Variants in EPHA7 observed in about 807,000 individuals in gnomAD.
The protein encoded by EPHA7 is ephrin type-A receptor 7.
A neutral mutation model predicts 112.6 loss-of-function variants in EPHA7; 25 were observed. That is an observed-to-expected ratio of 0.22 (90% CI 0.16 to 0.31). The LOEUF is 0.31. Ranked by LOEUF, EPHA7 falls within the 10% of genes least tolerant of loss-of-function variation. The pLI is 1.00. For synonymous variants in EPHA7, 437 were observed against 406.5 expected (o/e 1.07, Z -0.90); for missense variants, 962 against 1,212.6 (o/e 0.79, Z 3.07).
At chr6:93,414,114 G>T (rs1332360233) in intron 2 of EPHA7, among the ~76,000 whole-genome samples, 3 of 151,804 alleles carry the variant, frequency 2.0e-5, no homozygotes, top group Non-Finnish European at 4.4e-5. Flanking sequence ...ATCTATTGCA[G>T]ATTTTTATTG....
At chr6:93,368,334 A>G (rs553149290) in intron 3 of EPHA7, among the ~76,000 whole-genome samples, 12 of 152,238 alleles carry the variant, frequency 7.9e-5, no homozygotes, top group African/African-American at 2.9e-4. Context: ...CATTTCATCA[A>G]TGTGAAATGA....
chr6:93,295,906 C>A (rs1228432503), intron 5 of EPHA7, among the ~76,000 whole-genome samples: 2 of 151,796 alleles, frequency 1.3e-5, no homozygotes, highest in African/African-American at 4.8e-5. Flanking sequence ...CTATTCTTAG[C>A]CATTTTTGAT....
chr6:93,292,713 A>T (rs997427286), intron 5 of EPHA7, among the ~76,000 whole-genome samples: 1 of 152,226 alleles, frequency 6.6e-6, no homozygotes, highest in African/African-American at 2.4e-5. Flanking sequence ...GAGAAGTAAC[A>T]ACATCATCAG....
At chr6:93,308,082 C>G (rs1165264249) in intron 5 of EPHA7, among the ~76,000 whole-genome samples, 1 of 152,146 alleles carries the variant, frequency 6.6e-6, no homozygotes, top group African/African-American at 2.4e-5. Flanking sequence ...TAACAATAAT[C>G]AGTCACCGAA....
chr6:93,329,418 T>C (rs1436943990), intron 5 of EPHA7, among the ~76,000 whole-genome samples: 1 of 151,376 alleles, frequency 6.6e-6, no homozygotes, highest in Non-Finnish European at 1.5e-5. Flanking sequence ...AATATGAAAA[T>C]ACAATTATCA....
At chr6:93,349,426 G>A (rs2127934797) in intron 5 of EPHA7, among the ~76,000 whole-genome samples, 1 of 151,948 alleles carries the variant, frequency 6.6e-6, no homozygotes, top group South Asian at 2.1e-4. Context: ...ATGTCTAAAT[G>A]TAACAGAAAT....
chr6:93,264,829 C>T (rs1770854055), intron 7 of EPHA7, 127 bp from the exon 8 acceptor site: 3 of 438,886 alleles, frequency 6.8e-6, no homozygotes, highest in Non-Finnish European at 1.2e-5. Flanking sequence ...TATATTGTAA[C>T]AAAGTAAATT....
chr6:93,276,521 C>A (rs1280032195), intron 5 of EPHA7, among the ~76,000 whole-genome samples: 1 of 152,064 alleles, frequency 6.6e-6, no homozygotes. Context: ...GGTAGTTGAA[C>A]CTTGCTGTGC....
rs148447683 is a variant in EPHA7 at position 93,382,466 on chromosome 6, G to T, written c.833-24055C>A. On this transcript the variant is annotated intron_variant, in intron 3 of 16. Coordinates refer to ENST00000369303, the MANE Select transcript of EPHA7 (RefSeq NM_004440.4). ...CCCGCACATCCTGCTGTGGAGCCCA[G>T]TTCATAACAGGCCAGTGACCACTAC... Among the ~76,000 whole-genome samples, 144 of 152,272 alleles carry T rather than the reference G, an allele frequency of 9.5e-4. 1 individual carries two copies. The Middle Eastern group carries it at 0.048, about 50-fold the overall frequency.
chr6:93,282,979 C>T (rs1771839848), intron 5 of EPHA7, among the ~76,000 whole-genome samples: 1 of 152,306 alleles, frequency 6.6e-6, no homozygotes, highest in East Asian at 1.9e-4. Flanking sequence ...CACCCAAGGG[C>T]TGAGGAGTGC....
chr6:93,337,886 T>C (rs192018527), intron 5 of EPHA7, among the ~76,000 whole-genome samples: 17 of 152,102 alleles, frequency 1.1e-4, no homozygotes, highest in Non-Finnish European at 2.4e-4. Context: ...TGTAGCATGC[T>C]TTTTCCTCTG....
intron 3 of EPHA7, among the ~76,000 whole-genome samples, chr6:93,383,945 C>T (rs1000492984): frequency 1.3e-5 from 2 of 152,074 alleles, no homozygotes; most frequent in Non-Finnish European, 2.9e-5. Context: ...GCCTCAGCCC[C>T]GCAAAGTGCT....
chr6:93,252,619 C>T (rs1770265697), intron 14 of EPHA7, among the ~76,000 whole-genome samples: 1 of 151,772 alleles, frequency 6.6e-6, no homozygotes, highest in African/African-American at 2.4e-5. Flanking sequence ...TCTCCATTTG[C>T]ATATTGAAAA....
intron 13 of EPHA7, 21 bp downstream of exon 13, chr6:93,255,807 C>A (rs750149570): frequency 6.3e-7 from 1 of 1,581,142 alleles, no homozygotes; most frequent in Non-Finnish European, 8.7e-7. Context: ...TGAAGAAGTG[C>A]AGTAAATGAC....
At position 93,241,235 on chromosome 6, in the gene EPHA7, T is replaced by C. The variant is rs565147340; in HGVS notation, c.*2191A>G. Reference sequence around the variant, plus strand: ...TAGAAAAAATAAGCACCTTAAGCTATGAACAAGAAAAGAACTTCATTATTA... The same window carrying C: ...TAGAAAAAATAAGCACCTTAAGCTACGAACAAGAAAAGAACTTCATTATTA... On this transcript the variant is annotated 3_prime_UTR_variant, in exon 17 of 17. Transcript: ENST00000369303. The C allele has an allele frequency of 1.1e-4, 24 of 218,582 alleles. No homozygotes were observed. Among genetic ancestry groups the C allele is most frequent in the Non-Finnish European group, 2.0e-4 (22 of 108,788 alleles). The allele number at this position is 218,582 out of a possible 1,614,324, so 13.5% of individuals were successfully genotyped here.
rs562841223 is a variant in EPHA7, at chr6:93,363,220, C to A, written c.833-4809G>T. Among the ~76,000 whole-genome samples the A allele has an allele frequency of 1.4e-4, 22 of 152,196 alleles. No homozygotes were observed. The South Asian group carries it at 4.6e-3, about 32-fold the overall frequency. On this transcript the variant is annotated intron_variant, in intron 3 of 16. Transcript: ENST00000369303. ...AAAAAATTGTATAGGTGTTCAGAAC[C>A]AACATCCTGGAGGTTCCAGGTATTT...
rs1026001790 is a variant in EPHA7, at chr6:93,272,519, A to G, written c.1325-97T>C. On this transcript the variant is annotated intron_variant, in intron 5 of 16. Coordinates refer to ENST00000369303, the MANE Select transcript of EPHA7 (RefSeq NM_004440.4). Reference sequence around the variant, plus strand: ...ATCAGTCCCATGCTGTGCCAGTTTCATTAAGGTAAAAGAAAGCACCTTTTC... The same window carrying G: ...ATCAGTCCCATGCTGTGCCAGTTTCGTTAAGGTAAAAGAAAGCACCTTTTC... 9 of 1,475,900 alleles carry G rather than the reference A, an allele frequency of 6.1e-6. No homozygotes were observed. The African/African-American group carries it at 1.3e-4, about 21-fold the overall frequency. The allele number at this position is 1,475,900 out of a possible 1,614,324, so 91.4% of individuals were successfully genotyped here. A position where few individuals can be genotyped will look rare whatever the true frequency, so the allele number is the denominator to read the frequency against.
chr6:93,295,708 TTACTC>T (rs150236354), intron 5 of EPHA7, among the ~76,000 whole-genome samples: 137 of 151,940 alleles, frequency 9.0e-4, no homozygotes, highest in African/African-American at 3.1e-3. Flanking sequence ...ATAATTGTCT[TTACTC>T]TATGGAACTG....
At chr6:93,350,221 A>G (rs912051867) in intron 5 of EPHA7, among the ~76,000 whole-genome samples, 1 of 152,010 alleles carries the variant, frequency 6.6e-6, no homozygotes, top group Non-Finnish European at 1.5e-5. Flanking sequence ...ACATTTGTTA[A>G]TATTCTCAGG....
Sources: gnomAD v4.1 joint callset for allele counts (sites outside exome capture counted in the v4.1 genomes callset) on GRCh38, gnomAD v4.1.1 for gene constraint, MANE v1.5 for transcripts, NCBI Gene and HGNC (gene_info 2026-07-23, HGNC 2026-07-21) for gene names.